RBFOX1: variants seen among roughly 807,000 people sequenced by gnomAD.
RBFOX1 encodes RNA binding protein fox-1 homolog 1.
Under a neutral mutation model 57.7 loss-of-function variants are expected in RBFOX1, and 8 were observed. That is an observed-to-expected ratio of 0.14 (90% CI 0.08 to 0.25). The LOEUF is 0.25. Ranked by LOEUF, RBFOX1 falls within the 10% of genes least tolerant of loss-of-function variation. The probability of loss-of-function intolerance (pLI) is 1.00; values close to 1 mark genes in which losing one functional copy is unlikely to be tolerated. For synonymous variants in RBFOX1, 326 were observed against 222.4 expected (o/e 1.47, Z -4.15); for missense variants, 611 against 548.5 (o/e 1.11, Z -1.14).
chr16:7,443,246 C>G (rs572943377), intron 4 of RBFOX1, among the ~76,000 whole-genome samples: 7 of 152,004 alleles, frequency 4.6e-5, no homozygotes, highest in Non-Finnish European at 7.4e-5. Context: ...ATGCATTTCT[C>G]CAGTTTGATT....
At chr16:6,773,341 G>A (rs573185941) in intron 3 of RBFOX1, among the ~76,000 whole-genome samples, 20 of 144,724 alleles carry the variant, frequency 1.4e-4, no homozygotes, top group Non-Finnish European at 2.6e-4. Flanking sequence ...CTGTGCATGT[G>A]TATGTGTGGA....
At chr16:7,355,733 C>G (rs565305087) in intron 4 of RBFOX1, among the ~76,000 whole-genome samples, 2 of 152,052 alleles carry the variant, frequency 1.3e-5, no homozygotes, top group Non-Finnish European at 2.9e-5. Flanking sequence ...TTCTTACACA[C>G]AAAAAAGGGT....
chr16:7,188,543 C>A (rs551413954), intron 4 of RBFOX1, among the ~76,000 whole-genome samples: 1 of 152,204 alleles, frequency 6.6e-6, no homozygotes, highest in East Asian at 1.9e-4. Context: ...CCTTTTCTCC[C>A]CATCACCCAC....
chr16:5,663,557 G>T (rs13335429), intron 3 of RBFOX1, among the ~76,000 whole-genome samples: 2,121 of 152,280 alleles, frequency 0.014, 59 homozygotes, highest in African/African-American at 0.049. Flanking sequence ...GCAGTGACCA[G>T]TTGTTGAGAG....
Position 6,317,315 on chromosome 16 carries a change from G to C in RBFOX1, c.-64+258G>C, listed in dbSNP as rs192979793. 2.6e-4 allele frequency among the ~76,000 whole-genome samples: 39 copies of C among 152,194 alleles called. No homozygotes were observed. The East Asian group carries it at 7.5e-3, about 29-fold the overall frequency. On this transcript the variant is annotated intron_variant, in intron 2 of 15. Transcript: ENST00000550418. Reference sequence around the variant, plus strand: ...CAATGAGTTAACTGCGCCTTTATTAGCTGGGGATTAAAATAAAATGTGTTT... The same window carrying C: ...CAATGAGTTAACTGCGCCTTTATTACCTGGGGATTAAAATAAAATGTGTTT...
At chr16:7,377,663 A>T (rs572675344) in intron 4 of RBFOX1, among the ~76,000 whole-genome samples, 3 of 152,328 alleles carry the variant, frequency 2.0e-5, no homozygotes, top group Admixed American at 2.0e-4. Flanking sequence ...TTATTTGTGT[A>T]TTCATTAATT....
At chr16:6,957,321 C>A (rs371243510) in intron 3 of RBFOX1, among the ~76,000 whole-genome samples, 5 of 151,854 alleles carry the variant, frequency 3.3e-5, no homozygotes, top group African/African-American at 1.2e-4. Flanking sequence ...TTAGTACAGA[C>A]GGGGTTTCAC....
At chr16:5,777,206 C>T (rs1236502995) in intron 3 of RBFOX1, among the ~76,000 whole-genome samples, 3 of 152,272 alleles carry the variant, frequency 2.0e-5, no homozygotes, top group Non-Finnish European at 4.4e-5. Flanking sequence ...ACATGAATTT[C>T]CTTGCCTTTT....
intron 4 of RBFOX1, among the ~76,000 whole-genome samples, chr16:7,233,782 T>A (rs1165379805): frequency 6.6e-6 from 1 of 152,218 alleles, no homozygotes; most frequent in Non-Finnish European, 1.5e-5. Context: ...CAGTTTTCTC[T>A]TCAAATTCTT....
chr16:5,974,319 G>T (rs1269869083), intron 4 of RBFOX1, among the ~76,000 whole-genome samples: 1 of 152,152 alleles, frequency 6.6e-6, no homozygotes, highest in Non-Finnish European at 1.5e-5. Context: ...CTGATTAAAA[G>T]AGATCTGGGC....
chr16:7,644,106 G>A (rs1171566588), intron 11 of RBFOX1, among the ~76,000 whole-genome samples: 4 of 152,086 alleles, frequency 2.6e-5, no homozygotes, highest in Non-Finnish European at 5.9e-5. Context: ...AGCTTTTCCC[G>A]GAGCCTGACT....
chr16:5,640,555 C>T (rs1410236416), intron 3 of RBFOX1, among the ~76,000 whole-genome samples: 7 of 151,032 alleles, frequency 4.6e-5, no homozygotes, highest in Non-Finnish European at 7.4e-5. Flanking sequence ...TACATGCATG[C>T]CATGCATACA....
At chr16:6,837,626 A>T (rs1017393823) in intron 3 of RBFOX1, among the ~76,000 whole-genome samples, 1 of 152,210 alleles carries the variant, frequency 6.6e-6, no homozygotes, top group African/African-American at 2.4e-5. Context: ...CAAGTCGCTC[A>T]ATCTCTCTAA....
At chr16:6,144,337 C>T (rs1158283980) in intron 1 of RBFOX1, among the ~76,000 whole-genome samples, 3 of 152,140 alleles carry the variant, frequency 2.0e-5, no homozygotes, top group Admixed American at 6.5e-5. Context: ...TACCATTTTG[C>T]TTACCTCTTG....
intron 4 of RBFOX1, chr16:7,333,012 C>A (rs147306562): frequency 6.2e-7 from 1 of 1,613,752 alleles, no homozygotes; most frequent in South Asian, 1.1e-5. Context: ...ATGCTGGCGT[C>A]TCAAGGAGTT....
At chr16:7,225,424 C>T (rs562221683) in intron 4 of RBFOX1, among the ~76,000 whole-genome samples, 2 of 152,202 alleles carry the variant, frequency 1.3e-5, no homozygotes, top group South Asian at 4.2e-4. Flanking sequence ...TCTCTCTTGT[C>T]TGCCACCACA....
intron 4 of RBFOX1, among the ~76,000 whole-genome samples, chr16:7,373,422 T>G (rs761921233): frequency 2.0e-5 from 3 of 152,158 alleles, no homozygotes; most frequent in Non-Finnish European, 2.9e-5. Flanking sequence ...GGCAGTTCTC[T>G]GTCGTTCTGC....
intron 4 of RBFOX1, among the ~76,000 whole-genome samples, chr16:5,921,154 C>G (rs1194977204): frequency 2.6e-5 from 4 of 152,182 alleles, no homozygotes; most frequent in African/African-American, 7.2e-5. Flanking sequence ...CCAGAGAATG[C>G]TAAGGCCATA....
chr16:7,110,105 A>T (rs894642055), intron 4 of RBFOX1, among the ~76,000 whole-genome samples: 7 of 150,952 alleles, frequency 4.6e-5, no homozygotes, highest in Admixed American at 1.3e-4. Context: ...TTCCCAGCAC[A>T]TTGGGAGGCT....
Sources: gnomAD v4.1 joint callset for allele counts (sites outside exome capture counted in the v4.1 genomes callset) on GRCh38, gnomAD v4.1.1 for gene constraint, MANE v1.5 for transcripts, NCBI Gene and HGNC (gene_info 2026-07-23, HGNC 2026-07-21) for gene names.